Variants in CYP4F11 observed in about 807,000 individuals in gnomAD.
CYP4F11 encodes the protein cytochrome P450 4F11.
A neutral mutation model predicts 62.2 loss-of-function variants in CYP4F11; 79 were observed. The ratio of observed to expected loss-of-function variants is 1.27; its 90% CI spans 1.06 to 1.53. The LOEUF is 1.53. Among genes scored for constraint, CYP4F11 ranks in the 40% most tolerant of loss-of-function variants. The pLI is 0.00. For missense variants in CYP4F11, 777 were observed against 680.5 expected (o/e 1.14, Z -1.58); for synonymous variants, 290 against 263.7 (o/e 1.10, Z -0.97).
chr19:15,914,847 G>A lies in CYP4F11; in HGVS notation c.1164C>T (p.Ser388=). 1 of 1,614,166 alleles carries A rather than the reference G, an allele frequency of 6.2e-7. No homozygotes were observed. The highest frequency in any genetic ancestry group is 1.1e-5 in the South Asian group (1 of 91,090). ...CCGGGACTGGGGGATGCAACCGCAG[G>A]CTCTCCTTAATGCACATGGTCAGGA... ...LPFLTMCIKE[S]LRLHPPVPVI... The change falls in exon 9 of 12, where the codon AGC becomes AGT. Residue 388 remains serine (S), a synonymous_variant. Transcript: ENST00000402119.
chr19:15,918,316 G>A (rs559281014), intron 8 of CYP4F11, among the ~76,000 whole-genome samples: 1 of 152,210 alleles, frequency 6.6e-6, no homozygotes, highest in African/African-American at 2.4e-5. Context: ...GAGAGCATCG[G>A]GAAGAATAGC....
At chr19:15,925,265 C>A (rs889850211) in intron 4 of CYP4F11, among the ~76,000 whole-genome samples, 1 of 152,134 alleles carries the variant, frequency 6.6e-6, no homozygotes, top group African/African-American at 2.4e-5. Flanking sequence ...TCTGGTTGAA[C>A]TTTGGCAAAC....
chr19:15,925,535 A>G (rs7258487), intron 4 of CYP4F11, among the ~76,000 whole-genome samples: 123,008 of 151,676 alleles, frequency 0.81, 50,104 homozygotes, highest in East Asian at 0.99. Context: ...GACAAGGGGA[A>G]GGAAAGCATA....
intron 6 of CYP4F11, among the ~76,000 whole-genome samples, chr19:15,923,297 C>T (rs111807804): frequency 0.024 from 3,657 of 150,950 alleles, 56 homozygotes; most frequent in Non-Finnish European, 0.039. Context: ...TTCCCACTCT[C>T]GCCCTGGAAG....
intron 4 of CYP4F11, among the ~76,000 whole-genome samples, 178 bp from the exon 5 acceptor site, chr19:15,925,060 G>A (rs1256504181): frequency 6.6e-6 from 1 of 152,166 alleles, no homozygotes; most frequent in Non-Finnish European, 1.5e-5. Context: ...AGGAGATAAA[G>A]ACTCATGGCT....
At chr19:15,914,484 T>C in intron 10 of CYP4F11, 97 bp from the exon 11 acceptor site, 3 of 1,546,358 alleles carry the variant, frequency 1.9e-6, no homozygotes, top group Non-Finnish European at 2.7e-6. Flanking sequence ...AGAGACATTT[T>C]GGCAGATGTG....
intron 2 of CYP4F11, 78 bp from the exon 3 acceptor site, chr19:15,927,561 C>A: frequency 6.3e-7 from 1 of 1,587,536 alleles, no homozygotes; most frequent in Non-Finnish European, 8.6e-7. Flanking sequence ...TGCTCCCAGC[C>A]AGGGGTGTGC....
rs566437464 is a variant in CYP4F11 at position 15,912,920 on chromosome 19, G to C, written c.*812C>G. 6.6e-6 allele frequency: 1 copy of C among 150,922 alleles called. No individual in the cohort carries two copies. Among genetic ancestry groups the C allele is most frequent in the African/African-American group, 2.4e-5 (1 of 40,846 alleles). The allele number at this position is 150,922 out of a possible 1,614,324, so 9.3% of individuals were successfully genotyped here. A position where few individuals can be genotyped will look rare whatever the true frequency, so the allele number is the denominator to read the frequency against. On this transcript the variant is annotated 3_prime_UTR_variant, in exon 12 of 12. Coordinates refer to ENST00000402119, the MANE Select transcript of CYP4F11 (RefSeq NM_021187.4). ...CCTTTAAAGTCGTGGTAGAAATAACGATCTTGAAAGACAACATTCTTTAAC... is the reference window on the plus strand; with the variant it reads ...CCTTTAAAGTCGTGGTAGAAATAACCATCTTGAAAGACAACATTCTTTAAC...
In CYP4F11 at chr19:15,923,699, T is replaced by C. The variant is rs142434051; in HGVS notation, c.918+113A>G. 10,292 of 1,423,060 alleles carry C rather than the reference T, an allele frequency of 7.2e-3. 50 individuals are homozygous for C. Among genetic ancestry groups the C allele is most frequent in the Middle Eastern group, 0.018 (95 of 5,424 alleles). 88.2% of individuals were successfully genotyped at this position (1,423,060 alleles called of 1,614,324 possible). A position where few individuals can be genotyped will look rare whatever the true frequency, so the allele number is the denominator to read the frequency against. On this transcript the variant is annotated intron_variant, in intron 6 of 11. Transcript: ENST00000402119. ...CAAACCTATCTCTGACCTGTCTTTT[T>C]CAAGCATGTTCCATGGCTCCCAGTG...
chr19:15,919,154 A>T lies in CYP4F11; in HGVS notation c.1115+2883T>A, dbSNP rs1269630730. 9.4e-5 allele frequency among the ~76,000 whole-genome samples: 14 copies of T among 148,230 alleles called. No homozygotes were observed. The Admixed American group carries it at 9.5e-4, about 10-fold the overall frequency. On this transcript the variant is annotated intron_variant, in intron 8 of 11. Transcript: ENST00000402119. The stretch of plus-strand genomic sequence containing the variant: ...TTTAATAATTAGGAATATATATAGT[A>T]TATATGGAAATATATATTTCTATGT...
Position 15,922,078 on chromosome 19 carries a change from C to T in CYP4F11, c.1074G>A (p.Val358=), listed in dbSNP as rs2089633435. ...PEYQEQCRQE[V]QELLKDREPI... Reference sequence around the variant, plus strand: ...GTTCACGGTCCTTCAGAAGCTCTTGCACTTCTTGCCGGCACTGTTCCTGGT... The same window carrying T: ...GTTCACGGTCCTTCAGAAGCTCTTGTACTTCTTGCCGGCACTGTTCCTGGT... Residue 358 remains valine, a synonymous_variant, in exon 8 of 12, where the codon GTG becomes GTA. Transcript: ENST00000402119. The T allele has an allele frequency of 6.2e-7, 1 of 1,613,782 alleles. No individual in the cohort carries two copies. The highest frequency in any genetic ancestry group is 1.7e-5 in the Admixed American group (1 of 59,974).
chr19:15,916,825 A>T (rs2089586902), intron 8 of CYP4F11, among the ~76,000 whole-genome samples: 1 of 152,200 alleles, frequency 6.6e-6, no homozygotes, highest in African/African-American at 2.4e-5. Context: ...TTGCTGCTGC[A>T]AATGTAAATT....
chr19:15,931,645 G>GC (rs2089724737), intron 1 of CYP4F11, among the ~76,000 whole-genome samples: 4 of 45,890 alleles, frequency 8.7e-5, no homozygotes, highest in Admixed American at 2.0e-4. Context: ...AGTGAGCGAG[G>GC]AGAGGAATGA....
At position 15,933,865 on chromosome 19, in the gene CYP4F11, C is replaced by G. The variant is rs370529491; in HGVS notation, c.198+346G>C. 2.2e-3 allele frequency among the ~76,000 whole-genome samples: 25 copies of G among 11,312 alleles called. 1 individual carries two copies. The highest frequency in any genetic ancestry group is 3.1e-3 in the African/African-American group (11 of 3,590). 7.4% of individuals were successfully genotyped at this position (11,312 alleles called of 152,430 possible). ...GTGAGGAGAGGAATGAGTGAGTGAG[C>G]AGAGGAATGAGTGAGCGAGAAGAGG... On this transcript the variant is annotated intron_variant, in intron 1 of 11. Transcript: ENST00000402119.
chr19:15,919,627 C>A (rs1276885915), intron 8 of CYP4F11, among the ~76,000 whole-genome samples: 1 of 152,114 alleles, frequency 6.6e-6, no homozygotes, highest in Non-Finnish European at 1.5e-5. Flanking sequence ...CAAGGTTAAA[C>A]CCTGTCTTAT....
chr19:15,931,572 A>G (rs543618059), intron 1 of CYP4F11, among the ~76,000 whole-genome samples: 3,914 of 116,288 alleles, frequency 0.034, 184 homozygotes, highest in Non-Finnish European at 0.052. Context: ...GAGGAGAGGA[A>G]TGAGTGAGCG....
At chr19:15,919,029 A>G (rs1001261044) in intron 8 of CYP4F11, among the ~76,000 whole-genome samples, 1 of 150,546 alleles carries the variant, frequency 6.6e-6, no homozygotes, top group African/African-American at 2.4e-5. Context: ...AATACATAGT[A>G]TATATATATA....
intron 1 of CYP4F11, among the ~76,000 whole-genome samples, 194 bp from the exon 2 acceptor site, chr19:15,929,795 T>G (rs893738027): frequency 2.6e-5 from 4 of 152,190 alleles, no homozygotes; most frequent in Non-Finnish European, 5.9e-5. Context: ...GGAAGGATGA[T>G]CCACCTCCCC....
At chr19:15,919,505 T>C (rs1012650457) in intron 8 of CYP4F11, among the ~76,000 whole-genome samples, 3 of 125,874 alleles carry the variant, frequency 2.4e-5, no homozygotes, top group Middle Eastern at 4.6e-3. Context: ...GATAGATAGA[T>C]AGATAGATAG....
Sources: gnomAD v4.1 joint callset for allele counts (sites outside exome capture counted in the v4.1 genomes callset) on GRCh38, gnomAD v4.1.1 for gene constraint, MANE v1.5 for transcripts, NCBI Gene and HGNC (gene_info 2026-07-23, HGNC 2026-07-21) for gene names.